Variants in KIAA1328 observed in about 807,000 individuals in gnomAD.
KIAA1328 encodes the protein KIAA1328, also known as protein hinderin.
Under a neutral mutation model 68.1 loss-of-function variants are expected in KIAA1328, and 52 were observed. The observed-to-expected ratio is 0.76, with a 90% CI of 0.61 to 0.96. The LOEUF (loss-of-function observed/expected upper bound fraction) is 0.96. KIAA1328 is among the 40% of genes least tolerant of loss of function. KIAA1328 has a pLI of 0.00. For synonymous variants in KIAA1328, 232 were observed against 239.4 expected, an observed-to-expected ratio of 0.97 and a Z score of 0.28; for missense variants, 641 against 677.6, an observed-to-expected ratio of 0.95 and a Z score of 0.60.
At chr18:36,915,396 A>G (rs2049650506) in intron 5 of KIAA1328, among the ~76,000 whole-genome samples, 1 of 151,386 alleles carries the variant, frequency 6.6e-6, no homozygotes, top group Non-Finnish European at 1.5e-5. Context: ...GAAAAAAACT[A>G]TTCTCCCGTA....
chr18:37,079,697 G>A lies in KIAA1328; in HGVS notation c.1232+12152G>A, dbSNP rs375018268. ...GGGATCAGGAGTTTGAGACCAGCCT[G>A]GCCAACATGGTGAAACCCTGTCTCT... is the stretch of plus-strand genomic sequence containing the variant. On this transcript the variant is annotated intron_variant, in intron 7 of 9. Transcript: ENST00000280020. Among the ~76,000 whole-genome samples, 62 of 151,870 alleles carry A rather than the reference G, an allele frequency of 4.1e-4. No homozygotes were observed. The East Asian group carries it at 0.011, about 26-fold the overall frequency.
intron 6 of KIAA1328, among the ~76,000 whole-genome samples, chr18:37,066,200 T>G (rs983695569): frequency 2.6e-5 from 4 of 152,232 alleles, no homozygotes; most frequent in Non-Finnish European, 4.4e-5. Flanking sequence ...AAAATCTGAC[T>G]CTATTGACAT....
chr18:36,925,274 A>C (rs1443401182), intron 5 of KIAA1328, among the ~76,000 whole-genome samples: 1 of 152,162 alleles, frequency 6.6e-6, no homozygotes. Context: ...TAATGGCAGA[A>C]TACTACGGAT....
At chr18:36,854,850 A>G (rs1454336904) in intron 4 of KIAA1328, among the ~76,000 whole-genome samples, 2 of 151,956 alleles carry the variant, frequency 1.3e-5, no homozygotes, top group Non-Finnish European at 2.9e-5. Context: ...AGCCCCTGGT[A>G]CCCCAGTTTA....
intron 4 of KIAA1328, among the ~76,000 whole-genome samples, chr18:36,864,434 TG>T (rs767670982): frequency 6.6e-6 from 1 of 152,010 alleles, no homozygotes; most frequent in Non-Finnish European, 1.5e-5. Context: ...CCTGAGTAGC[TG>T]GGACTACAGG....
chr18:36,934,046 C>A (rs2050410032), intron 5 of KIAA1328, among the ~76,000 whole-genome samples: 1 of 152,152 alleles, frequency 6.6e-6, no homozygotes, highest in Non-Finnish European at 1.5e-5. Context: ...ATCCCCCTAC[C>A]AGTTCAGATA....
At chr18:37,139,034 G>A (rs1264000649) in intron 7 of KIAA1328, among the ~76,000 whole-genome samples, 1 of 136,928 alleles carries the variant, frequency 7.3e-6, no homozygotes, top group Non-Finnish European at 1.5e-5. Flanking sequence ...TTGGCTCACT[G>A]CAAGCTCCGC....
intron 5 of KIAA1328, among the ~76,000 whole-genome samples, chr18:36,909,304 C>A (rs978243166): frequency 6.7e-6 from 1 of 149,058 alleles, no homozygotes; most frequent in Admixed American, 6.7e-5. Flanking sequence ...CACGACAGGC[C>A]CCGTTGTGTG....
chr18:37,033,523 T>C (rs1304529513), intron 6 of KIAA1328, among the ~76,000 whole-genome samples: 6 of 152,222 alleles, frequency 3.9e-5, no homozygotes, highest in African/African-American at 9.6e-5. Context: ...TCGAGTGTCC[T>C]GGGATCAACC....
intron 7 of KIAA1328, among the ~76,000 whole-genome samples, chr18:37,099,161 G>C (rs2057516169): frequency 1.3e-5 from 2 of 151,998 alleles, no homozygotes; most frequent in South Asian, 2.1e-4. Context: ...TTTTAATTGT[G>C]ATGTTAGGAT....
chr18:36,951,843 C>A (rs1236142284), intron 5 of KIAA1328, among the ~76,000 whole-genome samples: 1 of 152,110 alleles, frequency 6.6e-6, no homozygotes, highest in Non-Finnish European at 1.5e-5. Context: ...CGGCTCATGC[C>A]CCTCTCATCT....
intron 9 of KIAA1328, among the ~76,000 whole-genome samples, chr18:37,181,529 A>G (rs1398107561): frequency 6.6e-6 from 1 of 152,184 alleles, no homozygotes; most frequent in Non-Finnish European, 1.5e-5. Flanking sequence ...TAATATAAGA[A>G]TCCATTCCTC....
chr18:36,845,049 A>C (rs965004779), intron 4 of KIAA1328, among the ~76,000 whole-genome samples: 7 of 151,824 alleles, frequency 4.6e-5, no homozygotes, highest in Admixed American at 1.3e-4. Flanking sequence ...GAAGCCTTAA[A>C]GTAAAGTTTG....
intron 6 of KIAA1328, among the ~76,000 whole-genome samples, chr18:36,990,757 CTT>C (rs1304795609): frequency 1.3e-5 from 2 of 151,800 alleles, no homozygotes; most frequent in Non-Finnish European, 2.9e-5. Context: ...GTACATGTAA[CTT>C]TGAACATGTT....
At chr18:37,060,988 G>A (rs1192939862) in intron 6 of KIAA1328, among the ~76,000 whole-genome samples, 1 of 152,130 alleles carries the variant, frequency 6.6e-6, no homozygotes, top group Non-Finnish European at 1.5e-5. Context: ...GGTGGTGTGT[G>A]CCTGTAGTCC....
intron 5 of KIAA1328, among the ~76,000 whole-genome samples, chr18:36,914,282 T>C (rs1206593684): frequency 6.6e-6 from 1 of 152,190 alleles, no homozygotes; most frequent in Non-Finnish European, 1.5e-5. Context: ...GAAGGCGCTG[T>C]GATAAGACAG....
intron 6 of KIAA1328, among the ~76,000 whole-genome samples, chr18:36,962,385 C>A (rs912613325): frequency 6.6e-6 from 1 of 152,138 alleles, no homozygotes; most frequent in Admixed American, 6.5e-5. Context: ...GAATTTAACA[C>A]CCCACTGTCA....
At chr18:37,143,521 C>CTTTTT (rs57046567) in intron 7 of KIAA1328, among the ~76,000 whole-genome samples, 58 of 90,700 alleles carry the variant, frequency 6.4e-4, no homozygotes, top group East Asian at 1.9e-3. Flanking sequence ...TTTTTTCTTT[C>CTTTTT]TTTTTTTTTT....
chr18:37,066,031 T>C (rs1410571690), intron 6 of KIAA1328, among the ~76,000 whole-genome samples: 2 of 152,222 alleles, frequency 1.3e-5, no homozygotes, highest in African/African-American at 2.4e-5. Context: ...CTGACTCTGC[T>C]TCCGACAGAA....
Sources: gnomAD v4.1 joint callset for allele counts (sites outside exome capture counted in the v4.1 genomes callset) on GRCh38, gnomAD v4.1.1 for gene constraint, MANE v1.5 for transcripts, NCBI Gene and HGNC (gene_info 2026-07-23, HGNC 2026-07-21) for gene names.